Variants in IQSEC1 observed in about 807,000 individuals in gnomAD.
The protein encoded by IQSEC1 is IQ motif and Sec7 domain ArfGEF 1.
IQSEC1 carries 31 observed loss-of-function variants against 91.0 expected under a neutral mutation model. That is an observed-to-expected ratio of 0.34 (90% CI 0.26 to 0.46). The LOEUF (loss-of-function observed/expected upper bound fraction) is 0.46. Among genes scored for constraint, IQSEC1 ranks in the 20% least tolerant of loss-of-function variants. The pLI is 1.00. For synonymous variants in IQSEC1, 699 were observed against 662.6 expected, an observed-to-expected ratio of 1.05 and a Z score of -0.84; for missense variants, 1,388 against 1,575.6, an observed-to-expected ratio of 0.88 and a Z score of 2.02.
chr3:12,902,782 G>A lies in IQSEC1; in HGVS notation c.2796C>T (p.Ser932=). The change falls in exon 13 of 14, where the codon AGC becomes AGT. Residue 932 remains serine (S), a synonymous_variant. Coordinates refer to ENST00000613206, the MANE Select transcript of IQSEC1 (RefSeq NM_001134382.3). ...GGCGCTTCCTACTTACTTCCACATT[G>A]CTCTCTAGCGATCCCGCACTGCTGC... ...GRRSSAGSLE[S]NVEGSIISSP... The A allele has an allele frequency of 6.3e-7, 1 of 1,597,668 alleles. No homozygotes were observed. The highest frequency in any genetic ancestry group is 8.5e-7 in the Non-Finnish European group (1 of 1,171,312).
chr3:13,093,371 C>T (rs1399142667), intron 2 of IQSEC1, among the ~76,000 whole-genome samples: 4 of 152,116 alleles, frequency 2.6e-5, no homozygotes, highest in Non-Finnish European at 5.9e-5. Flanking sequence ...GCGGTGCCAT[C>T]TGAGCCCCAG....
intron 1 of IQSEC1, among the ~76,000 whole-genome samples, chr3:12,959,735 G>A (rs1700127015): frequency 6.6e-6 from 1 of 152,128 alleles, no homozygotes. Context: ...TCAACAAAAC[G>A]TCTGGGATTA....
chr3:13,262,959 C>T (rs865919039), intron 1 of IQSEC1, among the ~76,000 whole-genome samples: 13 of 152,126 alleles, frequency 8.5e-5, no homozygotes, highest in Middle Eastern at 6.8e-3. Flanking sequence ...TTCTGGAGCT[C>T]GGTGGTGAAC....
intron 1 of IQSEC1, among the ~76,000 whole-genome samples, chr3:13,184,783 C>G (rs182109423): frequency 6.6e-6 from 1 of 152,146 alleles, no homozygotes; most frequent in African/African-American, 2.4e-5. Flanking sequence ...ACAATTCCAT[C>G]GTTTTCTATC....
chr3:12,981,144 G>A (rs924936961), intron 1 of IQSEC1, among the ~76,000 whole-genome samples: 1 of 152,194 alleles, frequency 6.6e-6, no homozygotes, highest in Non-Finnish European at 1.5e-5. Context: ...TGGCGGGGTC[G>A]TGCTTAGGGG....
intron 1 of IQSEC1, among the ~76,000 whole-genome samples, chr3:12,993,499 G>A (rs1212754636): frequency 6.6e-6 from 1 of 151,926 alleles, no homozygotes; most frequent in Admixed American, 6.6e-5. Context: ...AAGCAGGGTA[G>A]TGCGGAGTCG....
chr3:12,980,397 C>G (rs1269679990), intron 1 of IQSEC1, among the ~76,000 whole-genome samples: 5 of 152,240 alleles, frequency 3.3e-5, no homozygotes, highest in African/African-American at 1.2e-4. Flanking sequence ...CCACTTCAGG[C>G]TCCTGGAGTT....
At chr3:13,179,620 C>T (rs370886364) in intron 1 of IQSEC1, among the ~76,000 whole-genome samples, 17 of 152,278 alleles carry the variant, frequency 1.1e-4, no homozygotes, top group Non-Finnish European at 2.4e-4. Flanking sequence ...CGCTCGCTCT[C>T]GGCGCCTCCT....
chr3:13,200,291 C>G (rs1055265061), intron 1 of IQSEC1, among the ~76,000 whole-genome samples: 1 of 152,188 alleles, frequency 6.6e-6, no homozygotes, highest in South Asian at 2.1e-4. Flanking sequence ...ATACTCCCCC[C>G]CCTTATCATT....
chr3:12,980,286 T>C (rs1000771496), intron 1 of IQSEC1, among the ~76,000 whole-genome samples: 14 of 152,210 alleles, frequency 9.2e-5, no homozygotes. Context: ...GCCCATGCAC[T>C]GGTGACAAAG....
chr3:13,201,293 A>G (rs528447126), intron 1 of IQSEC1, among the ~76,000 whole-genome samples: 1 of 152,264 alleles, frequency 6.6e-6, no homozygotes, highest in Admixed American at 6.5e-5. Context: ...GCTGGGCAGG[A>G]GTCCTGGGGA....
At chr3:13,202,390 G>A (rs920546531) in intron 1 of IQSEC1, among the ~76,000 whole-genome samples, 15 of 152,336 alleles carry the variant, frequency 9.8e-5, no homozygotes, top group African/African-American at 3.4e-4. Flanking sequence ...CAGCTACAGT[G>A]TGGAAGCAAC....
intron 1 of IQSEC1, among the ~76,000 whole-genome samples, chr3:13,035,597 C>T (rs1305277266): frequency 1.3e-5 from 2 of 152,198 alleles, no homozygotes; most frequent in Non-Finnish European, 2.9e-5. Flanking sequence ...CTTCCCAACC[C>T]CAGGATGCTG....
chr3:13,112,839 C>T (rs1559257646), intron 2 of IQSEC1, among the ~76,000 whole-genome samples: 3 of 152,328 alleles, frequency 2.0e-5, no homozygotes, highest in East Asian at 1.9e-4. Flanking sequence ...GAGGCTCCCA[C>T]GAGTGGAAGC....
At chr3:13,137,729 G>A (rs1706733042) in intron 2 of IQSEC1, among the ~76,000 whole-genome samples, 1 of 152,304 alleles carries the variant, frequency 6.6e-6, no homozygotes, top group Non-Finnish European at 1.5e-5. Context: ...AGGCTGAGGT[G>A]GGAGGATCGC....
chr3:13,163,531 C>A lies in IQSEC1; in HGVS notation c.302+573G>T, dbSNP rs200143510. Among the ~76,000 whole-genome samples, 4 of 29,908 alleles carry A rather than the reference C, an allele frequency of 1.3e-4. No individual in the cohort carries two copies. In the East Asian group the frequency reaches 7.9e-3, roughly 59 times the overall value. 19.6% of individuals were successfully genotyped at this position (29,908 alleles called of 152,430 possible). A position where few individuals can be genotyped will look rare whatever the true frequency, so the allele number is the denominator to read the frequency against. ...CCCCGTGGCTGGGGCACTGACACCC[C>A]AGGTACTGTCTCAGACCAGACCCTC... On this transcript the variant is annotated intron_variant, in intron 2 of 15. Coordinates refer to the IQSEC1 transcript ENST00000648114.
chr3:13,160,804 G>T (rs1348569253), intron 2 of IQSEC1, among the ~76,000 whole-genome samples: 1 of 152,232 alleles, frequency 6.6e-6, no homozygotes, highest in Non-Finnish European at 1.5e-5. Context: ...CACCCCCTGG[G>T]TGCCTGTTCT....
chr3:13,223,034 T>C (rs920572456), intron 1 of IQSEC1, among the ~76,000 whole-genome samples: 2 of 152,198 alleles, frequency 1.3e-5, no homozygotes, highest in African/African-American at 4.8e-5. Context: ...GTCAGACAGG[T>C]TGAGAACTGT....
intron 2 of IQSEC1, among the ~76,000 whole-genome samples, chr3:13,082,102 GTGTGGTCA>G (rs751887259): frequency 6.6e-5 from 10 of 152,290 alleles, no homozygotes; most frequent in Non-Finnish European, 1.3e-4. Flanking sequence ...GGGCAGCAGC[GTGTGGTCA>G]TGTGGTCTCT....
Sources: allele counts gnomAD v4.1 joint callset (sites outside exome capture counted in the v4.1 genomes callset), GRCh38; gene constraint gnomAD v4.1.1; transcripts MANE v1.5; gene names NCBI Gene and HGNC (gene_info 2026-07-23, HGNC 2026-07-21).